The following ITGA9 variants were observed in gnomAD, a reference collection of about 807,000 sequenced individuals.
ITGA9 encodes integrin alpha-9.
Under a neutral mutation model 127.8 loss-of-function variants are expected in ITGA9, and 56 were observed. That is an observed-to-expected ratio of 0.44 (90% confidence interval 0.35 to 0.55). The LOEUF is 0.55. Ranked by LOEUF, ITGA9 falls within the 20% of genes least tolerant of loss-of-function variation. ITGA9 has a pLI of 0.00. For synonymous variants in ITGA9, 508 were observed against 514.5 expected (o/e 0.99, Z 0.17); for missense variants, 1,196 against 1,347.1 (o/e 0.89, Z 1.76).
intron 3 of ITGA9, 149 bp from the exon 4 acceptor site, chr3:37,481,335 C>A: frequency 1.0e-6 from 1 of 1,004,376 alleles, no homozygotes; most frequent in East Asian, 2.4e-5. Context: ...TTCTGATGCC[C>A]AGAAAAGTGC....
At chr3:37,637,456 A>C (rs1242017879) in intron 16 of ITGA9, among the ~76,000 whole-genome samples, 3 of 152,080 alleles carry the variant, frequency 2.0e-5, no homozygotes, top group Non-Finnish European at 4.4e-5. Flanking sequence ...GTGTATAAGA[A>C]TGCTTGTGAT....
At chr3:37,548,834 C>G (rs1391762656) in intron 15 of ITGA9, among the ~76,000 whole-genome samples, 1 of 152,200 alleles carries the variant, frequency 6.6e-6, no homozygotes, top group Non-Finnish European at 1.5e-5. Flanking sequence ...TTCTTGATTC[C>G]TGCAGTTGGC....
At chr3:37,752,191 T>C (rs534668560) in intron 23 of ITGA9, among the ~76,000 whole-genome samples, 22 of 152,330 alleles carry the variant, frequency 1.4e-4, no homozygotes, top group African/African-American at 5.3e-4. Flanking sequence ...GGCCTGAGAA[T>C]GCTCACTGGG....
At chr3:37,481,257 C>T (rs1331705320) in intron 3 of ITGA9, among the ~76,000 whole-genome samples, 2 of 152,108 alleles carry the variant, frequency 1.3e-5, no homozygotes, top group African/African-American at 4.8e-5. Flanking sequence ...CTACAATTCT[C>T]ATTTGTTGAT....
At chr3:37,531,271 C>T (rs947614738) in intron 13 of ITGA9, among the ~76,000 whole-genome samples, 10 of 152,122 alleles carry the variant, frequency 6.6e-5, no homozygotes, top group East Asian at 1.9e-4. Context: ...GATAGGCACA[C>T]GGTGCTCTCC....
At chr3:37,656,620 A>T (rs1033376756) in intron 17 of ITGA9, among the ~76,000 whole-genome samples, 1 of 152,196 alleles carries the variant, frequency 6.6e-6, no homozygotes, top group African/African-American at 2.4e-5. Flanking sequence ...TAAATATACA[A>T]TCATGTTGTC....
chr3:37,792,647 A>G (rs188005452), intron 26 of ITGA9, among the ~76,000 whole-genome samples: 3 of 152,348 alleles, frequency 2.0e-5, no homozygotes, highest in East Asian at 3.9e-4. Flanking sequence ...CTGGGCACTT[A>G]CAAAGGAAAG....
At chr3:37,804,499 C>T (rs1193949597) in intron 27 of ITGA9, among the ~76,000 whole-genome samples, 1 of 152,222 alleles carries the variant, frequency 6.6e-6, no homozygotes, top group Admixed American at 6.5e-5. Flanking sequence ...GGGGTGTCCT[C>T]ATCCCCATGT....
rs1696953618 is a variant in ITGA9, at chr3:37,779,796, G to A, written c.2668-106G>A. On this transcript the variant is annotated intron_variant, in intron 24 of 27. Coordinates refer to ENST00000264741, the MANE Select transcript of ITGA9 (RefSeq NM_002207.3). ...TCTTCTTGTGGATTTCCTCTGCCTG[G>A]AATTGCCTTAGTCACCAAGTTCATG... 33 of 1,061,460 alleles carry A rather than the reference G, an allele frequency of 3.1e-5. No individual in the cohort carries two copies. In the South Asian group the frequency reaches 3.7e-4, roughly 12 times the overall value. The allele number at this position is 1,061,460 out of a possible 1,614,324, so 65.8% of individuals were successfully genotyped here.
At chr3:37,508,187 C>T (rs1698864888) in intron 7 of ITGA9, among the ~76,000 whole-genome samples, 1 of 152,204 alleles carries the variant, frequency 6.6e-6, no homozygotes, top group South Asian at 2.1e-4. Flanking sequence ...GAATAAAGTC[C>T]AATCCATACC....
chr3:37,483,252 C>T (rs536252816), intron 4 of ITGA9, among the ~76,000 whole-genome samples: 6 of 152,224 alleles, frequency 3.9e-5, no homozygotes, highest in Admixed American at 2.0e-4. Context: ...GGACAGCCCT[C>T]TGAAGAGGGA....
chr3:37,531,810 C>T (rs148934353), intron 13 of ITGA9, among the ~76,000 whole-genome samples: 360 of 152,314 alleles, frequency 2.4e-3, no homozygotes, highest in African/African-American at 6.9e-3. Flanking sequence ...CCAGCCCTTG[C>T]AGGGTGCTGC....
intron 1 of ITGA9, 101 bp from the exon 2 acceptor site, chr3:37,470,906 A>C (rs565256962): frequency 4.8e-5 from 55 of 1,155,096 alleles, no homozygotes; most frequent in Non-Finnish European, 6.7e-5. Context: ...TTTCAAAGTG[A>C]GCACTCAGAG....
chr3:37,562,870 G>C (rs1478178541), intron 15 of ITGA9, among the ~76,000 whole-genome samples: 2 of 152,022 alleles, frequency 1.3e-5, no homozygotes, highest in Non-Finnish European at 2.9e-5. Context: ...AGAAACTTAG[G>C]TTACAACCAA....
At position 37,542,434 on chromosome 3, in the gene ITGA9, A is replaced by C. The variant is rs759093330; in HGVS notation, c.1538A>C (p.Tyr513Ser). Residue 513 changes from tyrosine (Y) to serine (S), a missense_variant, in exon 15 of 28, where the codon TAT becomes TCT. Coordinates refer to ENST00000264741, the MANE Select transcript of ITGA9 (RefSeq NM_002207.3). Reference protein sequence around the residue: ...KHVPGEIGLNYVLMADVAKKE... With the variant: ...KHVPGEIGLNSVLMADVAKKE... ...TCTCATTTATTGGCAGGCCTGAATT[A>C]TGTTCTGATGGCTGACGTGGCCAAA... 5 of 1,613,556 alleles carry C rather than the reference A, an allele frequency of 3.1e-6. No individual in the cohort carries two copies. In the East Asian group the frequency reaches 1.1e-4, roughly 36 times the overall value.
intron 13 of ITGA9, among the ~76,000 whole-genome samples, chr3:37,529,297 G>A (rs1699125660): frequency 6.6e-6 from 1 of 152,190 alleles, no homozygotes; most frequent in African/African-American, 2.4e-5. Context: ...GGTAGGTGCT[G>A]TGAGGATTCT....
rs180770087 is a variant in ITGA9 at position 37,579,978 on chromosome 3, T to C, written c.1689+37393T>C. 3.3e-3 allele frequency among the ~76,000 whole-genome samples: 498 copies of C among 152,380 alleles called. 2 individuals carry two copies. The highest frequency in any genetic ancestry group is 0.02 in the Middle Eastern group (6 of 294). The stretch of plus-strand genomic sequence containing the variant: ...TACATAATTATCCATTTAATGTGTT[T>C]TTAATGATAAAGAATCTAATAGTTA... On this transcript the variant is annotated intron_variant, in intron 15 of 27. Transcript: ENST00000264741.
chr3:37,547,396 G>C (rs1246429762), intron 15 of ITGA9, among the ~76,000 whole-genome samples: 2 of 152,164 alleles, frequency 1.3e-5, no homozygotes, highest in Non-Finnish European at 2.9e-5. Flanking sequence ...TGGCCACCAG[G>C]TCTCCTGAGA....
At chr3:37,770,268 T>C (rs1189786682) in intron 23 of ITGA9, among the ~76,000 whole-genome samples, 2 of 152,226 alleles carry the variant, frequency 1.3e-5, no homozygotes. Context: ...TAATATTGTA[T>C]TATTTCCATT....
Sources: gnomAD v4.1 joint callset for allele counts (sites outside exome capture counted in the v4.1 genomes callset) on GRCh38, gnomAD v4.1.1 for gene constraint, MANE v1.5 for transcripts, NCBI Gene and HGNC (gene_info 2026-07-23, HGNC 2026-07-21) for gene names.